Variants in SEZ6 observed in about 807,000 individuals in gnomAD.
The protein encoded by SEZ6 is seizure related 6 homolog, also known as seizure protein 6 homolog.
In SEZ6, 53 loss-of-function variants were observed where a neutral mutation model predicts 101.0. The observed-to-expected ratio is 0.52, with a 90% confidence interval of 0.42 to 0.66. The LOEUF (loss-of-function observed/expected upper bound fraction) is 0.66. Ranked by LOEUF, SEZ6 falls within the 30% of genes least tolerant of loss-of-function variation. The pLI is 0.00. For synonymous variants in SEZ6, 488 were observed against 512.2 expected (o/e 0.95, Z 0.64); for missense variants, 1,102 against 1,289.4 (o/e 0.85, Z 2.23).
chr17:28,994,657 C>T (rs572855443), intron 1 of SEZ6, among the ~76,000 whole-genome samples: 51 of 152,050 alleles, frequency 3.4e-4, no homozygotes, highest in African/African-American at 1.2e-3. Flanking sequence ...GATCCACCTG[C>T]CTCGGCCTCC....
At chr17:28,997,973 G>A (rs2041565012) in intron 1 of SEZ6, among the ~76,000 whole-genome samples, 1 of 152,068 alleles carries the variant, frequency 6.6e-6, no homozygotes, top group African/African-American at 2.4e-5. Context: ...CCACCCCCAG[G>A]CTCTGGGACT....
At chr17:29,004,373 A>G (rs113238156) in intron 1 of SEZ6, among the ~76,000 whole-genome samples, 5,696 of 152,230 alleles carry the variant, frequency 0.037, 342 homozygotes, top group African/African-American at 0.13. Flanking sequence ...CCCGGTCTTC[A>G]TCCCTGGGGT....
rs1309611675 is a variant in SEZ6 at position 28,974,710 on chromosome 17, C to A, written c.859-4758G>T. Among the ~76,000 whole-genome samples the A allele has an allele frequency of 8.5e-5, 13 of 152,292 alleles. No individual in the cohort carries two copies. In the South Asian group the frequency reaches 2.7e-3, roughly 32 times the overall value. On this transcript the variant is annotated intron_variant, in intron 3 of 16. Transcript: ENST00000317338. ...TGTCCTGTCTTGTGTGCCTGGCAACCCCAGGCCCTCCCCAGAACTGGGAGA... is the reference window on the plus strand; with the variant it reads ...TGTCCTGTCTTGTGTGCCTGGCAACACCAGGCCCTCCCCAGAACTGGGAGA...
chr17:28,993,027 G>T (rs2041487250), intron 1 of SEZ6, among the ~76,000 whole-genome samples: 1 of 152,022 alleles, frequency 6.6e-6, no homozygotes, highest in Non-Finnish European at 1.5e-5. Flanking sequence ...GGGGCCTGGA[G>T]TGGGGGTTAG....
Position 28,997,204 on chromosome 17 carries a change from T to C in SEZ6, c.55+8611A>G, listed in dbSNP as rs76462160. Among the ~76,000 whole-genome samples, 21 of 152,188 alleles carry C rather than the reference T, an allele frequency of 1.4e-4. No homozygotes were observed. The East Asian group carries it at 3.7e-3, about 27-fold the overall frequency. ...AAGGGGATCTAGAGAAGTAAATGCATGGATGACCACTCTCGTGCATGCGTT... is the reference window on the plus strand; with the variant it reads ...AAGGGGATCTAGAGAAGTAAATGCACGGATGACCACTCTCGTGCATGCGTT... On this transcript the variant is annotated intron_variant, in intron 1 of 16. Coordinates refer to ENST00000317338, the MANE Select transcript of SEZ6 (RefSeq NM_178860.5).
intron 3 of SEZ6, among the ~76,000 whole-genome samples, chr17:28,977,794 A>C (rs2041243593): frequency 6.6e-6 from 1 of 152,180 alleles, no homozygotes; most frequent in Non-Finnish European, 1.5e-5. Flanking sequence ...CCACACCTGC[A>C]GCTGGTGCTT....
chr17:28,972,253 G>GCCCT (rs1456577399), intron 3 of SEZ6, among the ~76,000 whole-genome samples: 1 of 152,214 alleles, frequency 6.6e-6, no homozygotes, highest in Non-Finnish European at 1.5e-5. Context: ...GGGTCACAGT[G>GCCCT]CCCTCTTCAC....
intron 1 of SEZ6, among the ~76,000 whole-genome samples, chr17:29,000,019 CAT>C (rs1277660419): frequency 2.0e-5 from 3 of 152,192 alleles, no homozygotes; most frequent in Non-Finnish European, 4.4e-5. Context: ...TGTCTGACAA[CAT>C]GGGTTTCAAC....
intron 1 of SEZ6, among the ~76,000 whole-genome samples, chr17:28,996,128 G>C (rs1435583752): frequency 6.6e-6 from 1 of 151,718 alleles, no homozygotes; most frequent in Non-Finnish European, 1.5e-5. Context: ...AGCCTCCCGG[G>C]TGGCTGGGAC....
intron 3 of SEZ6, among the ~76,000 whole-genome samples, chr17:28,976,915 C>T (rs1481128880): frequency 2.6e-5 from 4 of 152,178 alleles, no homozygotes; most frequent in South Asian, 2.1e-4. Context: ...GGAGTGTGCC[C>T]GTCCTGTGCT....
rs1302247564 is a variant in SEZ6, at chr17:28,979,730, C to T, written c.808G>A (p.Asp270Asn). 6.2e-7 allele frequency: 1 copy of T among 1,613,948 alleles called. No individual in the cohort carries two copies. Among genetic ancestry groups the T allele is most frequent in the Admixed American group, 1.7e-5 (1 of 60,012 alleles). ...TAGACAGAGATGTAGAAGAAGCAGT[C>T]CAGGCCAACATCAGTGGGGGAGCTG... Reference protein sequence around the residue: ...DLSSPTDVGLDCFFYISVYPG... With the variant: ...DLSSPTDVGLNCFFYISVYPG... Residue 270 changes from aspartate to asparagine, a missense_variant, in exon 3 of 17, where the codon GAC becomes AAC. Asp to Asn is a conservative substitution (Grantham distance 23). This residue lies in a region of SEZ6 where 406 missense variants were observed against 418.6 expected (regional missense o/e 0.97). Transcript: ENST00000317338.
At chr17:29,003,227 C>A (rs1384241855) in intron 1 of SEZ6, among the ~76,000 whole-genome samples, 1 of 152,200 alleles carries the variant, frequency 6.6e-6, no homozygotes, top group Non-Finnish European at 1.5e-5. Context: ...CCTTCAACAC[C>A]GCTTTTTCCT....
At chr17:28,991,515 T>C (rs1231893383) in intron 1 of SEZ6, among the ~76,000 whole-genome samples, 1 of 152,166 alleles carries the variant, frequency 6.6e-6, no homozygotes, top group East Asian at 1.9e-4. Flanking sequence ...CAGTTTACAT[T>C]TAAATAGCCA....
intron 11 of SEZ6, 52 bp downstream of exon 11, chr17:28,957,895 G>C: frequency 6.4e-7 from 1 of 1,572,588 alleles, no homozygotes; most frequent in South Asian, 1.1e-5. Flanking sequence ...ATCCAGGAGA[G>C]AGGTTTGGAG....
chr17:28,991,239 C>G (rs1432121037), intron 1 of SEZ6, among the ~76,000 whole-genome samples: 1 of 151,940 alleles, frequency 6.6e-6, no homozygotes, highest in African/African-American at 2.4e-5. Flanking sequence ...GAATCTCGCT[C>G]TGTCACCGAG....
At chr17:29,006,051 G>T (rs1000248191), upstream of SEZ6, 16 of 419,900 alleles carry the variant, frequency 3.8e-5, no homozygotes, top group South Asian at 5.2e-4. Flanking sequence ...GCCTGGCGAC[G>T]GCGCCGGGGA....
At position 28,958,237 on chromosome 17, in the gene SEZ6, C is replaced by T. The variant is rs529694961; in HGVS notation, c.2108-96G>A. ...GCACTCTGGCTCCTGCTAGTTTGTC[C>T]TGGACCTAGACTGTCCTGGGCGGGC... On this transcript the variant is annotated intron_variant, in intron 10 of 16. Coordinates refer to ENST00000317338, the MANE Select transcript of SEZ6 (RefSeq NM_178860.5). The T allele has an allele frequency of 4.0e-5, 58 of 1,457,040 alleles. 1 individual carries two copies. In the South Asian group the frequency reaches 7.4e-4, roughly 19 times the overall value. 90.3% of individuals were successfully genotyped at this position (1,457,040 alleles called of 1,614,324 possible). A position where few individuals can be genotyped will look rare whatever the true frequency, so the allele number is the denominator to read the frequency against.
chr17:28,995,358 G>A (rs563056475), intron 1 of SEZ6, among the ~76,000 whole-genome samples: 2 of 151,966 alleles, frequency 1.3e-5, no homozygotes, highest in African/African-American at 4.8e-5. Flanking sequence ...GGGGGGGGGT[G>A]CATTAGGTGA....
chr17:28,971,045 C>T (rs1222274427), intron 3 of SEZ6, among the ~76,000 whole-genome samples: 1 of 152,216 alleles, frequency 6.6e-6, no homozygotes, highest in Non-Finnish European at 1.5e-5. Flanking sequence ...TGCCTCCATT[C>T]AGGCAAACAA....
Sources: gnomAD v4.1 joint callset for allele counts (sites outside exome capture counted in the v4.1 genomes callset) on GRCh38, gnomAD v4.1.1 for gene constraint, gnomAD v4.1.1 regional missense constraint, MANE v1.5 for transcripts, NCBI Gene and HGNC (gene_info 2026-07-23, HGNC 2026-07-21) for gene names.